VPS13C: variants seen among roughly 807,000 people sequenced by gnomAD.
VPS13C encodes the protein intermembrane lipid transfer protein VPS13C.
Under a neutral mutation model 456.8 loss-of-function variants are expected in VPS13C, and 358 were observed. The ratio of observed to expected loss-of-function variants is 0.78; its 90% CI spans 0.72 to 0.86. VPS13C has a LOEUF of 0.86. Among genes scored for constraint, VPS13C ranks in the 40% least tolerant of loss-of-function variants. VPS13C has a pLI of 0.00. For synonymous variants in VPS13C, 1,578 were observed against 1,486.7 expected, an observed-to-expected ratio of 1.06 and a Z score of -1.41; for missense variants, 4,818 against 4,385.4, an observed-to-expected ratio of 1.10 and a Z score of -2.79.
intron 47 of VPS13C, among the ~76,000 whole-genome samples, chr15:61,938,274 G>T (rs1003695404): frequency 2.0e-5 from 3 of 151,966 alleles, no homozygotes; most frequent in African/African-American, 7.3e-5. Flanking sequence ...TGTGGGGTGG[G>T]GGGGGAACAA....
chr15:62,033,257 A>G (rs574747282), intron 5 of VPS13C, among the ~76,000 whole-genome samples, 184 bp downstream of exon 5: 1 of 151,818 alleles, frequency 6.6e-6, no homozygotes, highest in African/African-American at 2.4e-5. Context: ...ACACTCACAG[A>G]AAAAAGGCAA....
chr15:61,904,441 A>G (rs926453649), intron 66 of VPS13C, among the ~76,000 whole-genome samples: 3 of 151,726 alleles, frequency 2.0e-5, no homozygotes, highest in Non-Finnish European at 2.9e-5. Flanking sequence ...AGTCAAAACC[A>G]CAATGAGATT....
intron 6 of VPS13C, 83 bp downstream of exon 6, chr15:62,028,275 C>A: frequency 7.1e-7 from 1 of 1,404,960 alleles, no homozygotes; most frequent in Non-Finnish European, 1.0e-6. Flanking sequence ...GGATGGCATG[C>A]CATCAAATGG....
At position 61,919,293 on chromosome 15, in the gene VPS13C, A is replaced by G; in HGVS notation, c.7634T>C (p.Leu2545Pro). 1 of 1,593,958 alleles carries G rather than the reference A, an allele frequency of 6.3e-7. No individual in the cohort carries two copies. Among genetic ancestry groups the G allele is most frequent in the Non-Finnish European group, 8.5e-7 (1 of 1,171,732 alleles). Residue 2545 changes from leucine (L) to proline (P), a missense_variant, in exon 58 of 85, where the codon CTA becomes CCA. Leu to Pro is a moderately conservative substitution (Grantham distance 98). Around this residue, in one of 3 missense-constraint regions of VPS13C, gnomAD observed 4,552 missense variants for 4,130.6 expected, o/e 1.10. Coordinates refer to ENST00000644861, the MANE Select transcript of VPS13C (RefSeq NM_020821.3). ...GNKVITLRSP[L>P]QIKNHFSIAF... ...CAATTAACTTTGAAGTATTACCTGT[A>G]GAGGAGAGCGAAGGGTAATTACTTT... is the stretch of plus-strand genomic sequence containing the variant.
chr15:62,000,340 G>A (rs1315281547), intron 16 of VPS13C, among the ~76,000 whole-genome samples: 3 of 152,024 alleles, frequency 2.0e-5, no homozygotes, highest in East Asian at 1.9e-4. Context: ...ATCCCAGCCC[G>A]GGAGACAGAG....
In VPS13C at chr15:61,871,996, A is replaced by G. The variant is rs1475979943; in HGVS notation, c.10617T>C (p.Pro3539=). The G allele has an allele frequency of 6.2e-7, 1 of 1,612,342 alleles. No homozygotes were observed. The highest frequency in any genetic ancestry group is 8.5e-7 in the Non-Finnish European group (1 of 1,179,034). The change falls in exon 79 of 85, where the codon CCT becomes CCC. Residue 3539 remains proline, a synonymous_variant. Transcript: ENST00000644861. ...GAAATATTTTCAACATACCTTCCAC[A>G]GGTTTTGTTATTATTCCAGTCACTC... ...VGGVTGIITK[P]VEGAKKEGAA...
At position 61,981,449 on chromosome 15, in the gene VPS13C, C is replaced by T; in HGVS notation, c.2059G>A (p.Val687Ile). 6.2e-7 allele frequency: 1 copy of T among 1,610,346 alleles called. No individual in the cohort carries two copies. Among genetic ancestry groups the T allele is most frequent in the Non-Finnish European group, 8.5e-7 (1 of 1,178,800 alleles). The stretch of plus-strand genomic sequence containing the variant: ...TTCAGATTTATCCTTAAATCAAGGA[C>T]TTTTCGAGTTTCAATAATATGTGTA... ...GLTHIIETRK[V>I]LDLRINLKPS... The change falls in exon 22 of 85, where the codon GTC (valine) becomes ATC (isoleucine). Residue 687 changes from valine (V) to isoleucine (I), a missense_variant. By Grantham distance (29) the Val-to-Ile change is conservative. Coordinates refer to ENST00000644861, the MANE Select transcript of VPS13C (RefSeq NM_020821.3).
intron 28 of VPS13C, among the ~76,000 whole-genome samples, chr15:61,968,101 T>C (rs139091718): frequency 1.3e-5 from 2 of 152,150 alleles, no homozygotes; most frequent in East Asian, 1.9e-4. Flanking sequence ...GTAAACCTTA[T>C]CTTAACACAG....
chr15:61,977,203 T>A lies in VPS13C; in HGVS notation c.2291-4A>T. The A allele has an allele frequency of 6.6e-7, 1 of 1,507,488 alleles. No individual in the cohort carries two copies. Among genetic ancestry groups the A allele is most frequent in the Non-Finnish European group, 8.9e-7 (1 of 1,122,058 alleles). The allele number at this position is 1,507,488 out of a possible 1,614,324, so 93.4% of individuals were successfully genotyped here. Reference sequence around the variant, plus strand: ...CGACACTTTTTCCAGGTTTCCTCTTTAAAAAATAATTTAAGATATTATTTA... The same window carrying A: ...CGACACTTTTTCCAGGTTTCCTCTTAAAAAAATAATTTAAGATATTATTTA... On this transcript the variant is annotated splice_polypyrimidine_tract_variant and splice_region_variant and intron_variant, in intron 23 of 84. Transcript: ENST00000644861.
intron 16 of VPS13C, among the ~76,000 whole-genome samples, chr15:61,994,550 A>G (rs1234144454): frequency 3.9e-5 from 6 of 152,120 alleles, no homozygotes; most frequent in Non-Finnish European, 8.8e-5. Context: ...GAAACAGTGA[A>G]GCAAATTCTG....
chr15:61,996,979 T>A (rs895517938), intron 16 of VPS13C, among the ~76,000 whole-genome samples: 2 of 140,342 alleles, frequency 1.4e-5, no homozygotes, highest in African/African-American at 3.0e-5. Context: ...CATCCTTGCC[T>A]ATATATTTTA....
chr15:61,944,406 A>G (rs564911745), intron 45 of VPS13C, among the ~76,000 whole-genome samples: 2 of 152,302 alleles, frequency 1.3e-5, no homozygotes, highest in African/African-American at 2.4e-5. Context: ...ACAGTGGACT[A>G]GATAAAGGAA....
Position 61,875,815 on chromosome 15 carries a change from C to G in VPS13C, c.10255G>C (p.Gly3419Arg). Residue 3419 changes from glycine (G) to arginine (R), a missense_variant, in exon 76 of 85, where the codon GGG becomes CGG. Gly to Arg is a moderately radical substitution (Grantham distance 125, BLOSUM62 -2). Coordinates refer to ENST00000644861, the MANE Select transcript of VPS13C (RefSeq NM_020821.3). ...AATGGGTTTCCAAGTACATCTAACCCCAATACAAGGACATACATCTGTTTC... is the reference window on the plus strand; with the variant it reads ...AATGGGTTTCCAAGTACATCTAACCGCAATACAAGGACATACATCTGTTTC... ...FLKQMYVLVL[G>R]LDVLGNPFGL... 1 of 1,601,932 alleles carries G rather than the reference C, an allele frequency of 6.2e-7. No homozygotes were observed. Among genetic ancestry groups the G allele is most frequent in the Non-Finnish European group, 8.5e-7 (1 of 1,176,016 alleles).
At position 62,041,319 on chromosome 15, in the gene VPS13C, C is replaced by G; in HGVS notation, c.187+5G>C. On this transcript the variant is annotated splice_donor_5th_base_variant and intron_variant, in intron 3 of 84. Transcript: ENST00000644861. The stretch of plus-strand genomic sequence containing the variant: ...AATAATTCAAATGAAGACTAAAGTA[C>G]TTACCAATTTGGCCAGCCTTGACTT... 1 of 1,605,798 alleles carries G rather than the reference C, an allele frequency of 6.2e-7. No individual in the cohort carries two copies. Among genetic ancestry groups the G allele is most frequent in the Non-Finnish European group, 8.5e-7 (1 of 1,177,700 alleles).
intron 54 of VPS13C, 137 bp downstream of exon 54, chr15:61,922,260 C>T (rs761981989): frequency 8.3e-6 from 10 of 1,210,374 alleles, no homozygotes; most frequent in Non-Finnish European, 1.0e-5. Flanking sequence ...AATACATCGA[C>T]AAATTAAATG....
chr15:62,017,234 T>G (rs906392932), intron 9 of VPS13C, among the ~76,000 whole-genome samples: 10 of 152,210 alleles, frequency 6.6e-5, no homozygotes, highest in African/African-American at 2.2e-4. Context: ...ATTCTGTAGG[T>G]TGCCTATTCA....
intron 6 of VPS13C, among the ~76,000 whole-genome samples, chr15:62,027,329 C>T (rs956255654): frequency 2.0e-5 from 3 of 152,074 alleles, no homozygotes; most frequent in Non-Finnish European, 4.4e-5. Context: ...ACCCAGACTA[C>T]AGTAAGCTGG....
chr15:62,010,424 T>G, intron 13 of VPS13C, 48 bp downstream of exon 13: 1 of 1,470,186 alleles, frequency 6.8e-7, no homozygotes, highest in Non-Finnish European at 9.0e-7. Context: ...ATAAAAGCAG[T>G]CAAGATTCAA....
chr15:61,908,928 A>T (rs1466937444), intron 65 of VPS13C, 64 bp downstream of exon 65: 1 of 1,558,828 alleles, frequency 6.4e-7, no homozygotes, highest in African/African-American at 1.4e-5. Flanking sequence ...ATGAAACCAA[A>T]GTGTTTCCCA....
Sources: allele counts gnomAD v4.1 joint callset (sites outside exome capture counted in the v4.1 genomes callset), GRCh38; gene constraint gnomAD v4.1.1; regional missense constraint gnomAD v4.1.1; transcripts MANE v1.5; gene names NCBI Gene and HGNC (gene_info 2026-07-23, HGNC 2026-07-21).